The following WWC1 variants were observed in gnomAD, a reference collection of about 807,000 sequenced individuals.
WWC1 encodes the protein WW and C2 domain containing 1, also known as protein KIBRA.
In WWC1, 55 loss-of-function variants were observed where a neutral mutation model predicts 138.4. The ratio of observed to expected loss-of-function variants is 0.40; its 90% CI spans 0.32 to 0.50. The LOEUF is 0.50. Ranked by LOEUF, WWC1 falls within the 20% of genes least tolerant of loss-of-function variation. The pLI, the probability that WWC1 is intolerant of heterozygous loss-of-function variation, is 0.72. For missense variants in WWC1, 1,226 were observed against 1,420.4 expected (o/e 0.86, Z 2.20); for synonymous variants, 524 against 564.9 (o/e 0.93, Z 1.03).
chr5:168,454,317 C>T (rs1225587561), intron 18 of WWC1, among the ~76,000 whole-genome samples: 1 of 152,170 alleles, frequency 6.6e-6, no homozygotes, highest in Non-Finnish European at 1.5e-5. Flanking sequence ...TTTTCCATGA[C>T]TTCTCTGGAC....
At chr5:168,426,990 A>G (rs1290761808) in intron 11 of WWC1, among the ~76,000 whole-genome samples, 1 of 152,236 alleles carries the variant, frequency 6.6e-6, no homozygotes, top group Non-Finnish European at 1.5e-5. Context: ...TTGAGTGCTT[A>G]GTTATGAGCC....
At chr5:168,427,471 C>A (rs111382508) in intron 11 of WWC1, among the ~76,000 whole-genome samples, 1 of 151,170 alleles carries the variant, frequency 6.6e-6, no homozygotes, top group Non-Finnish European at 1.5e-5. Flanking sequence ...CCAGGCAGTT[C>A]GACTCAAGAG....
At chr5:168,457,140 ATTTTTTT>A (rs34063177) in intron 19 of WWC1, among the ~76,000 whole-genome samples, 1 of 119,496 alleles carries the variant, frequency 8.4e-6, no homozygotes, top group African/African-American at 3.0e-5. Context: ...TAGAAAGGGC[ATTTTTTT>A]TTTTTTTTTT....
chr5:168,466,729 C>G (rs149132513), intron 21 of WWC1, among the ~76,000 whole-genome samples: 28 of 152,278 alleles, frequency 1.8e-4, no homozygotes, highest in African/African-American at 6.5e-4. Flanking sequence ...TATCCCAAAT[C>G]TAAAGTAGCC....
intron 1 of WWC1, among the ~76,000 whole-genome samples, chr5:168,352,477 C>A (rs954459421): frequency 8.5e-5 from 13 of 152,082 alleles, no homozygotes; most frequent in Admixed American, 2.6e-4. Flanking sequence ...AACCTATTTG[C>A]CTGGATTCAA....
At chr5:168,414,224 C>A in intron 8 of WWC1, 124 bp from the exon 9 acceptor site, 1 of 1,403,300 alleles carries the variant, frequency 7.1e-7, no homozygotes, top group Non-Finnish European at 9.5e-7. Context: ...CTTGAGATGA[C>A]AAGCTGATCA....
intron 1 of WWC1, among the ~76,000 whole-genome samples, chr5:168,368,849 G>A (rs1027829516): frequency 2.6e-5 from 4 of 152,216 alleles, no homozygotes; most frequent in Non-Finnish European, 4.4e-5. Flanking sequence ...ATGGAGGGTG[G>A]TGGCGGGTGG....
chr5:168,345,439 T>C (rs1774386477), intron 1 of WWC1, among the ~76,000 whole-genome samples: 2 of 152,228 alleles, frequency 1.3e-5, no homozygotes, highest in African/African-American at 4.8e-5. Flanking sequence ...TCTTCTTCTT[T>C]ATCTTAATGG....
At chr5:168,294,666 G>A (rs769708075) in intron 1 of WWC1, among the ~76,000 whole-genome samples, 3 of 151,930 alleles carry the variant, frequency 2.0e-5, no homozygotes, top group Non-Finnish European at 4.4e-5. Flanking sequence ...TCGCTCTGTC[G>A]CCCAGGCTGG....
chr5:168,371,471 C>A lies in WWC1; in HGVS notation c.167C>A (p.Pro56Gln), dbSNP rs1206893319. 6.2e-7 allele frequency: 1 copy of A among 1,613,972 alleles called. No homozygotes were observed. Among genetic ancestry groups the A allele is most frequent in the Non-Finnish European group, 8.5e-7 (1 of 1,179,978 alleles). ...TFADCISDEL[P>Q]LGWEEAYDPQ... ...GCTGACTGCATTAGTGATGAGTTGCCGCTAGGATGGGAAGAGGCATATGAC... is the reference window on the plus strand; with the variant it reads ...GCTGACTGCATTAGTGATGAGTTGCAGCTAGGATGGGAAGAGGCATATGAC... The change falls in exon 2 of 23, where the codon CCG becomes CAG. Residue 56 changes from proline (P) to glutamine (Q), a missense_variant. Physicochemically the swap from Pro to Gln is moderately conservative, Grantham distance 76. This residue lies in a region of WWC1 where 1,016 missense variants were observed against 1,153.9 expected (regional missense o/e 0.88). Coordinates refer to ENST00000265293, the MANE Select transcript of WWC1 (RefSeq NM_015238.3).
At chr5:168,425,396 A>ATATAGCGTACAGGTGTTTAGGATT (rs1490670794) in intron 11 of WWC1, among the ~76,000 whole-genome samples, 5 of 152,128 alleles carry the variant, frequency 3.3e-5, no homozygotes, top group African/African-American at 1.2e-4. Context: ...TAGCTATGAT[A>ATATAGCGTACAGGTGTTTAGGATT]TATAGCGTAC....
intron 2 of WWC1, among the ~76,000 whole-genome samples, chr5:168,375,091 A>T (rs943564486): frequency 6.6e-6 from 1 of 152,168 alleles, no homozygotes; most frequent in African/African-American, 2.4e-5. Flanking sequence ...GTGGCTTGAC[A>T]GTTTGATATA....
chr5:168,297,891 C>T (rs1769697760), intron 1 of WWC1, among the ~76,000 whole-genome samples: 1 of 152,122 alleles, frequency 6.6e-6, no homozygotes, highest in African/African-American at 2.4e-5. Context: ...GCGTCACAAT[C>T]ATTTGTGAGT....
intron 1 of WWC1, among the ~76,000 whole-genome samples, chr5:168,360,088 G>A (rs1274635299): frequency 6.6e-6 from 1 of 152,190 alleles, no homozygotes; most frequent in East Asian, 1.9e-4. Context: ...TGTCTTGTCT[G>A]TGGGATTTTT....
At chr5:168,428,809 G>A (rs1781718508) in intron 13 of WWC1, 22 bp downstream of exon 13, 3 of 1,613,060 alleles carry the variant, frequency 1.9e-6, no homozygotes, top group East Asian at 2.2e-5. Flanking sequence ...GGACGAGGAG[G>A]ACAGAAGGAA....
chr5:168,410,914 T>C (rs7700510), intron 8 of WWC1, among the ~76,000 whole-genome samples: 67,083 of 147,078 alleles, frequency 0.46, 18,585 homozygotes, highest in African/African-American at 0.76. Context: ...AATCTGTCTT[T>C]AAGTTCATGA....
At chr5:168,303,421 A>T (rs1374664699) in intron 1 of WWC1, among the ~76,000 whole-genome samples, 1 of 152,052 alleles carries the variant, frequency 6.6e-6, no homozygotes, top group Non-Finnish European at 1.5e-5. Flanking sequence ...AGAAAGTGGG[A>T]TCTCACTTTC....
At chr5:168,313,531 C>T (rs1771305141) in intron 1 of WWC1, among the ~76,000 whole-genome samples, 1 of 151,358 alleles carries the variant, frequency 6.6e-6, no homozygotes, top group Non-Finnish European at 1.5e-5. Flanking sequence ...GTGGAGGTTG[C>T]AGTGAGCCGA....
chr5:168,357,551 C>G (rs1464478008), intron 1 of WWC1, among the ~76,000 whole-genome samples: 1 of 150,300 alleles, frequency 6.7e-6, no homozygotes, highest in African/African-American at 2.5e-5. Context: ...CCTTTCTGTG[C>G]TTGAGAGGCT....
Sources: gnomAD v4.1 joint callset for allele counts (sites outside exome capture counted in the v4.1 genomes callset) on GRCh38, gnomAD v4.1.1 for gene constraint, gnomAD v4.1.1 regional missense constraint, MANE v1.5 for transcripts, NCBI Gene and HGNC (gene_info 2026-07-23, HGNC 2026-07-21) for gene names.